The following MED13L variants were observed in gnomAD, a reference collection of about 807,000 sequenced individuals.
The protein encoded by MED13L is mediator complex subunit 13L.
MED13L carries 7 observed loss-of-function variants against 220.9 expected under a neutral mutation model. The observed-to-expected ratio is 0.03, with a 90% CI of 0.02 to 0.06. MED13L has a LOEUF of 0.06. MED13L is among the 10% of genes least tolerant of loss of function. MED13L has a pLI of 1.00. For synonymous variants in MED13L, 1,011 were observed against 1,015.2 expected (o/e 1.00, Z 0.08); for missense variants, 1,965 against 2,760.5 (o/e 0.71, Z 6.46).
At chr12:116,260,188 C>A (rs1362106666) in intron 1 of MED13L, among the ~76,000 whole-genome samples, 2 of 152,152 alleles carry the variant, frequency 1.3e-5, no homozygotes, top group African/African-American at 4.8e-5. Context: ...CAACTCTTTA[C>A]CTTCAGGGTA....
chr12:116,031,570 C>T (rs1880739808), intron 4 of MED13L, among the ~76,000 whole-genome samples: 1 of 113,332 alleles, frequency 8.8e-6, no homozygotes. Context: ...CCAGCCTGGG[C>T]AACAGAGCGA....
chr12:116,112,220 AAC>A (rs1214958780), intron 2 of MED13L, among the ~76,000 whole-genome samples: 2 of 152,308 alleles, frequency 1.3e-5, no homozygotes, highest in East Asian at 3.9e-4. Context: ...TAAATATATA[AAC>A]AGATACAAAA....
intron 2 of MED13L, among the ~76,000 whole-genome samples, chr12:116,123,672 G>A (rs1293945713): frequency 6.6e-6 from 1 of 152,044 alleles, no homozygotes; most frequent in Non-Finnish European, 1.5e-5. Context: ...GTCTGTCACT[G>A]CTATTACTAT....
At chr12:116,230,121 T>C (rs1869409786) in intron 2 of MED13L, among the ~76,000 whole-genome samples, 2 of 152,138 alleles carry the variant, frequency 1.3e-5, no homozygotes, top group African/African-American at 4.8e-5. Context: ...AAAGGTAAAG[T>C]AGCTGGGCGT....
Position 115,991,685 on chromosome 12 carries a change from C to A in MED13L, c.3269G>T (p.Arg1090Leu), listed in dbSNP as rs888549047. ...GGCGGGCTCCACAGAGTTGAGGGGC[C>A]GTGTAGTAGAGGGGGTGGAGGCTGG... ...GSPASTPSTT[R>L]PLNSVEPATM... The change falls in exon 17 of 31, where the codon CGG (arginine) becomes CTG (leucine). Residue 1090 changes from arginine (R) to leucine (L), a missense_variant. Arg to Leu is a moderately radical substitution (Grantham distance 102). Coordinates refer to ENST00000281928, the MANE Select transcript of MED13L (RefSeq NM_015335.5). This position sits in a 1 kb window ranked among gnomAD's most constrained non-coding sequence, Gnocchi z 7.7. The A allele has an allele frequency of 1.2e-6, 2 of 1,613,816 alleles. No individual in the cohort carries two copies. The highest frequency in any genetic ancestry group is 1.7e-6 in the Non-Finnish European group (2 of 1,179,950).
chr12:116,163,184 T>C (rs890632554), intron 2 of MED13L, among the ~76,000 whole-genome samples: 4 of 152,130 alleles, frequency 2.6e-5, no homozygotes, highest in Non-Finnish European at 5.9e-5. Flanking sequence ...AATATATTCA[T>C]GAATCAAAAC....
At chr12:116,122,529 T>C (rs1008523975) in intron 2 of MED13L, among the ~76,000 whole-genome samples, 2 of 152,224 alleles carry the variant, frequency 1.3e-5, no homozygotes, top group Non-Finnish European at 2.9e-5. Context: ...AACAAATCTA[T>C]GTTGGAAATG....
At chr12:116,002,438 C>CT (rs1555246858) in intron 14 of MED13L, among the ~76,000 whole-genome samples, 4 of 151,864 alleles carry the variant, frequency 2.6e-5, no homozygotes, top group Non-Finnish European at 4.4e-5. Context: ...ATAAGCTACC[C>CT]TTTTTTTTCC....
At chr12:116,255,159 A>G (rs1193748025) in intron 1 of MED13L, among the ~76,000 whole-genome samples, 2 of 152,256 alleles carry the variant, frequency 1.3e-5, no homozygotes, top group African/African-American at 4.8e-5. Flanking sequence ...TTCAGTAATC[A>G]TCATAGTGTA....
chr12:116,253,272 C>CAAA (rs60443236), intron 1 of MED13L, among the ~76,000 whole-genome samples: 2 of 79,738 alleles, frequency 2.5e-5, no homozygotes, highest in Non-Finnish European at 2.3e-5. Context: ...AACTCCATCT[C>CAAA]AAAAAAAAAA....
chr12:116,173,079 G>A (rs1879797206), intron 2 of MED13L, among the ~76,000 whole-genome samples: 1 of 149,308 alleles, frequency 6.7e-6, no homozygotes. Flanking sequence ...TAGGATACAA[G>A]TGCATGGCAC....
chr12:116,153,492 C>T (rs1360699945), intron 2 of MED13L, among the ~76,000 whole-genome samples: 1 of 152,098 alleles, frequency 6.6e-6, no homozygotes, highest in East Asian at 1.9e-4. Flanking sequence ...TAGCAATAAC[C>T]AGATATATGT....
chr12:116,219,149 A>G (rs962109108), intron 2 of MED13L, among the ~76,000 whole-genome samples: 7 of 152,224 alleles, frequency 4.6e-5, no homozygotes, highest in Non-Finnish European at 1.0e-4. Context: ...GTCAATAATA[A>G]AGAGACAAGC....
rs1244501318 is a variant in MED13L, at chr12:115,984,296, G to A, written c.4415C>T (p.Ala1472Val). ...DGIMRVGKTV[A>V]QKLTDELVSE... ...CACAAGCTCATCTGTCAGCTTCTGT[G>A]CCACAGTTTTTCCCACGCGCATGAT... The change falls in exon 20 of 31, where the codon GCA (alanine) becomes GTA (valine). Residue 1472 changes from alanine to valine, a missense_variant. Physicochemically the swap from Ala to Val is moderately conservative, Grantham distance 64 (BLOSUM62 0). This residue lies in a region of MED13L where 510 missense variants were observed against 620.4 expected (regional missense o/e 0.82). Transcript: ENST00000281928. 6.2e-7 allele frequency: 1 copy of A among 1,614,066 alleles called. No homozygotes were observed. Among genetic ancestry groups the A allele is most frequent in the African/African-American group, 1.3e-5 (1 of 75,022 alleles).
At chr12:116,121,813 T>C (rs1414402350) in intron 2 of MED13L, among the ~76,000 whole-genome samples, 1 of 152,118 alleles carries the variant, frequency 6.6e-6, no homozygotes, top group Admixed American at 6.6e-5. Flanking sequence ...ATCCAGAACA[T>C]TGAGTTCAGC....
At chr12:116,240,039 C>T (rs948618563) in intron 1 of MED13L, among the ~76,000 whole-genome samples, 1 of 152,076 alleles carries the variant, frequency 6.6e-6, no homozygotes, top group African/African-American at 2.4e-5. Flanking sequence ...TTTCATTATA[C>T]CACTAGTAGT....
intron 2 of MED13L, among the ~76,000 whole-genome samples, chr12:116,214,576 A>G (rs1882890491): frequency 6.6e-6 from 1 of 152,194 alleles, no homozygotes; most frequent in Non-Finnish European, 1.5e-5. Flanking sequence ...TATATGTAAT[A>G]CCAAAATTTC....
chr12:116,205,844 T>C (rs1248458924), intron 2 of MED13L, among the ~76,000 whole-genome samples: 1 of 151,554 alleles, frequency 6.6e-6, no homozygotes, highest in Non-Finnish European at 1.5e-5. Flanking sequence ...GCGATAATCA[T>C]AACCATACAT....
chr12:116,038,991 G>A (rs545102773), intron 4 of MED13L, among the ~76,000 whole-genome samples: 1 of 151,898 alleles, frequency 6.6e-6, no homozygotes, highest in African/African-American at 2.4e-5. Context: ...GAGAAGGGAA[G>A]GACCCATGTT....
Sources: allele counts gnomAD v4.1 joint callset (sites outside exome capture counted in the v4.1 genomes callset), GRCh38; gene constraint gnomAD v4.1.1; regional missense constraint gnomAD v4.1.1; non-coding constraint Gnocchi (gnomAD v3.1); transcripts MANE v1.5; gene names NCBI Gene and HGNC (gene_info 2026-07-23, HGNC 2026-07-21).